Variants in DLG2 observed in about 807,000 individuals in gnomAD.
The protein encoded by DLG2 is discs large MAGUK scaffold protein 2.
In DLG2, 45 loss-of-function variants were observed where a neutral mutation model predicts 132.5. The ratio of observed to expected loss-of-function variants is 0.34; its 90% CI spans 0.27 to 0.44. The LOEUF (loss-of-function observed/expected upper bound fraction) is 0.44, where lower values mean the gene tolerates loss of function less well. DLG2 is among the 20% of genes least tolerant of loss of function. DLG2 has a pLI of 1.00. For synonymous variants in DLG2, 424 were observed against 419.6 expected (o/e 1.01, Z -0.13); for missense variants, 1,045 against 1,196.9 (o/e 0.87, Z 1.87).
chr11:85,229,397 C>T (rs2075166778), intron 4 of DLG2, among the ~76,000 whole-genome samples: 1 of 152,046 alleles, frequency 6.6e-6, no homozygotes, highest in African/African-American at 2.4e-5. Context: ...AAAAGCTTAT[C>T]ATCACTGGTC....
intron 7 of DLG2, among the ~76,000 whole-genome samples, chr11:84,464,607 T>C (rs910340262): frequency 6.6e-6 from 1 of 151,162 alleles, no homozygotes; most frequent in Admixed American, 6.6e-5. Flanking sequence ...GCAAAAATTA[T>C]GAGTTTGCCT....
At chr11:84,194,694 T>G (rs2096482110) in intron 8 of DLG2, among the ~76,000 whole-genome samples, 1 of 152,174 alleles carries the variant, frequency 6.6e-6, no homozygotes. Flanking sequence ...ATAAAAGTTC[T>G]CCAAGTCTCA....
intron 17 of DLG2, among the ~76,000 whole-genome samples, chr11:83,795,779 A>G (rs1392348062): frequency 6.6e-6 from 1 of 152,208 alleles, no homozygotes; most frequent in Non-Finnish European, 1.5e-5. Context: ...GAATGATATC[A>G]GAATCAGAGG....
At chr11:84,417,405 C>T (rs891234487) in intron 7 of DLG2, among the ~76,000 whole-genome samples, 1 of 152,098 alleles carries the variant, frequency 6.6e-6, no homozygotes. Context: ...TCAATACATG[C>T]GAATTTCCTT....
At chr11:85,248,066 A>G (rs1353971396) in intron 4 of DLG2, among the ~76,000 whole-genome samples, 3 of 152,090 alleles carry the variant, frequency 2.0e-5, no homozygotes, top group Non-Finnish European at 4.4e-5. Context: ...CTAGAAATGT[A>G]GACTGGTTGC....
chr11:83,860,993 C>T (rs1388931001), intron 16 of DLG2, among the ~76,000 whole-genome samples: 1 of 152,188 alleles, frequency 6.6e-6, no homozygotes, highest in Non-Finnish European at 1.5e-5. Flanking sequence ...GATTGTGAGG[C>T]CTTCCCACCC....
At chr11:83,466,867 T>G in intron 25 of DLG2, 50 bp from the exon 26 acceptor site, 196 of 1,185,612 alleles carry the variant, frequency 1.7e-4, no homozygotes, top group Non-Finnish European at 2.2e-4. Context: ...AGCATGGCCA[T>G]AATCCAACAA....
At chr11:85,349,981 C>A (rs181350440) in intron 3 of DLG2, among the ~76,000 whole-genome samples, 2 of 152,158 alleles carry the variant, frequency 1.3e-5, no homozygotes, top group African/African-American at 4.8e-5. Flanking sequence ...TTTGAGGAAT[C>A]GCCACACTGT....
intron 18 of DLG2, among the ~76,000 whole-genome samples, chr11:83,682,690 G>A (rs894140106): frequency 2.6e-5 from 4 of 152,082 alleles, no homozygotes; most frequent in Non-Finnish European, 4.4e-5. Flanking sequence ...TATTTGCATA[G>A]CCTGTCACAG....
intron 2 of DLG2, among the ~76,000 whole-genome samples, chr11:85,622,447 A>T (rs574007882): frequency 2.6e-5 from 4 of 152,270 alleles, no homozygotes; most frequent in Admixed American, 2.6e-4. Context: ...AAATGATTTT[A>T]AGAACTTAAG....
intron 19 of DLG2, among the ~76,000 whole-genome samples, chr11:83,553,559 A>G (rs1402930564): frequency 1.3e-5 from 2 of 149,766 alleles, no homozygotes; most frequent in East Asian, 3.9e-4. Flanking sequence ...GCTATTACAT[A>G]TTGTAAGTCA....
intron 21 of DLG2, among the ~76,000 whole-genome samples, chr11:83,492,120 A>G (rs2093887155): frequency 6.6e-6 from 1 of 152,110 alleles, no homozygotes; most frequent in Non-Finnish European, 1.5e-5. Flanking sequence ...GGCCCGTTAC[A>G]GAAAAAGTTT....
At chr11:85,189,588 T>A (rs1198356479) in intron 4 of DLG2, among the ~76,000 whole-genome samples, 1 of 152,188 alleles carries the variant, frequency 6.6e-6, no homozygotes, top group East Asian at 1.9e-4. Flanking sequence ...ATAGACTAGA[T>A]GTGGTTGGAG....
At chr11:85,143,047 C>T (rs1206833246) in intron 5 of DLG2, among the ~76,000 whole-genome samples, 3 of 151,612 alleles carry the variant, frequency 2.0e-5, no homozygotes, top group Admixed American at 6.6e-5. Context: ...GTTTTGGCAT[C>T]GTGGTAATAC....
intron 6 of DLG2, among the ~76,000 whole-genome samples, chr11:85,035,690 T>C (rs945985912): frequency 6.6e-6 from 1 of 152,084 alleles, no homozygotes; most frequent in Non-Finnish European, 1.5e-5. Flanking sequence ...CCAAATACTA[T>C]CTTTAGTAAT....
At chr11:84,529,459 AAC>A (rs1373336569) in intron 7 of DLG2, among the ~76,000 whole-genome samples, 1 of 152,186 alleles carries the variant, frequency 6.6e-6, no homozygotes, top group Non-Finnish European at 1.5e-5. Context: ...CAGGATACAA[AAC>A]CAGTGTCCAA....
rs2078423977 is a variant in DLG2, at chr11:85,166,106, C to T, written c.187-11455G>A. ...ATCTTCCACTTTCTCTGACATTTCA[C>T]ACGATTGACCTCTTCCTCCTTCTTG... On this transcript the variant is annotated intron_variant, in intron 4 of 27. Transcript: ENST00000376104. Among the ~76,000 whole-genome samples the T allele has an allele frequency of 1.3e-5, 2 of 152,110 alleles. 1 individual carries two copies. The highest frequency in any genetic ancestry group is 4.8e-5 in the African/African-American group (2 of 41,444).
chr11:85,125,312 C>T (rs1257057163), intron 5 of DLG2, among the ~76,000 whole-genome samples: 1 of 152,078 alleles, frequency 6.6e-6, no homozygotes, highest in Non-Finnish European at 1.5e-5. Context: ...TCAAAAAGGG[C>T]TAATGTTATG....
intron 6 of DLG2, among the ~76,000 whole-genome samples, chr11:84,626,848 T>C (rs1940081): frequency 0.016 from 511 of 31,254 alleles, 7 homozygotes; most frequent in African/African-American, 0.047. Context: ...ATCAATTACA[T>C]ATTTTATTTT....
Sources: allele counts gnomAD v4.1 joint callset (sites outside exome capture counted in the v4.1 genomes callset), GRCh38; gene constraint gnomAD v4.1.1; transcripts MANE v1.5; gene names NCBI Gene and HGNC (gene_info 2026-07-23, HGNC 2026-07-21).